CATSPERE: variants seen among roughly 807,000 people sequenced by gnomAD.
CATSPERE encodes the protein cation channel sperm-associated auxiliary subunit epsilon.
CATSPERE carries 93 observed loss-of-function variants against 114.1 expected under a neutral mutation model. The ratio of observed to expected loss-of-function variants is 0.81; its 90% confidence interval spans 0.69 to 0.97. The LOEUF (loss-of-function observed/expected upper bound fraction) is 0.97, where lower values mean the gene tolerates loss of function less well. CATSPERE is among the 50% of genes least tolerant of loss of function. CATSPERE has a pLI of 0.00. For missense variants in CATSPERE, 1,058 were observed against 1,131.6 expected (o/e 0.93, Z 0.93); for synonymous variants, 341 against 384.1 (o/e 0.89, Z 1.31).
intron 12 of CATSPERE, among the ~76,000 whole-genome samples, chr1:244,582,942 T>G (rs1432314838): frequency 2.5e-3 from 7 of 2,834 alleles, no homozygotes; most frequent in South Asian, 0.023. Context: ...TATATATATA[T>G]ATATATATAT....
intron 19 of CATSPERE, among the ~76,000 whole-genome samples, chr1:244,610,773 GAC>G (rs1285571151): frequency 1.5e-5 from 2 of 129,682 alleles, no homozygotes; most frequent in African/African-American, 3.8e-5. Flanking sequence ...TTTTTTTTGA[GAC>G]AGAGTCTCTC....
chr1:244,457,577 A>G (rs1666270648), upstream of CATSPERE: 1 of 152,172 alleles, frequency 6.6e-6, no homozygotes, highest in Non-Finnish European at 1.5e-5. Flanking sequence ...AAGGTAAGTC[A>G]TCTGTATCAC....
rs749344900 is a variant in CATSPERE, at chr1:244,461,477, T to C, written c.48T>C (p.Tyr16=). ...TGCTGCTGCTGTGGCTGAGCTGCTA[T>C]GGCTCCGCCCTTTGGAGGTAGAGAG... ...VAVLLLWLSC[Y]GSALWRYSTN... The change falls in exon 1 of 22, where the codon TAT becomes TAC. Residue 16 remains tyrosine (Y), a synonymous_variant. Coordinates refer to ENST00000366534, the MANE Select transcript of CATSPERE (RefSeq NM_001130957.2). 3.0e-6 allele frequency: 4 copies of C among 1,342,118 alleles called. No homozygotes were observed. The highest frequency in any genetic ancestry group is 1.5e-5 in the African/African-American group (1 of 66,458). The allele number at this position is 1,342,118 out of a possible 1,614,324, so 83.1% of individuals were successfully genotyped here. A position where few individuals can be genotyped will look rare whatever the true frequency, so the allele number is the denominator to read the frequency against.
At chr1:244,618,491 GA>G (rs1197112883) in intron 20 of CATSPERE, among the ~76,000 whole-genome samples, 3 of 152,142 alleles carry the variant, frequency 2.0e-5, no homozygotes, top group Non-Finnish European at 2.9e-5. Flanking sequence ...TGGTGCAGAA[GA>G]AAAATAGACC....
intron 14 of CATSPERE, among the ~76,000 whole-genome samples, chr1:244,590,909 A>G (rs12059818): frequency 0.64 from 96,534 of 152,022 alleles, 32,278 homozygotes; most frequent in Middle Eastern, 0.81. Flanking sequence ...TTTGTGTACA[A>G]GTGTTTGTTT....
intron 19 of CATSPERE, 26 bp downstream of exon 19, chr1:244,610,352 T>C: frequency 6.6e-7 from 1 of 1,522,438 alleles, no homozygotes; most frequent in Non-Finnish European, 9.1e-7. Flanking sequence ...CCTTCCAGAT[T>C]GTTTATTTGG....
At chr1:244,580,540 C>T (rs61842366) in intron 11 of CATSPERE, among the ~76,000 whole-genome samples, 2,135 of 152,088 alleles carry the variant, frequency 0.014, 24 homozygotes, top group Middle Eastern at 0.024. Flanking sequence ...GTAAATAAAA[C>T]ATTTATGCAT....
chr1:244,614,190 C>G (rs1446433922), intron 19 of CATSPERE, among the ~76,000 whole-genome samples: 1 of 152,198 alleles, frequency 6.6e-6, no homozygotes, highest in Non-Finnish European at 1.5e-5. Flanking sequence ...AACTAACACA[C>G]AGTGAAAGCC....
chr1:244,488,065 CTG>C (rs1206220142), intron 5 of CATSPERE, among the ~76,000 whole-genome samples: 1 of 152,116 alleles, frequency 6.6e-6, no homozygotes, highest in Non-Finnish European at 1.5e-5. Context: ...TCTTCTTTCT[CTG>C]TCTCTCAAGA....
At chr1:244,561,418 T>C (rs1296948774) in intron 10 of CATSPERE, among the ~76,000 whole-genome samples, 1 of 152,136 alleles carries the variant, frequency 6.6e-6, no homozygotes, top group Non-Finnish European at 1.5e-5. Context: ...TATATATACA[T>C]CGTAGGGTGT....
chr1:244,490,104 G>A (rs114572095), intron 5 of CATSPERE, among the ~76,000 whole-genome samples: 2 of 152,112 alleles, frequency 1.3e-5, no homozygotes, highest in Admixed American at 1.3e-4. Context: ...GACAAATGAT[G>A]CTTTTTGTTA....
intron 7 of CATSPERE, among the ~76,000 whole-genome samples, chr1:244,512,108 C>T (rs941671769): frequency 3.3e-5 from 5 of 152,148 alleles, no homozygotes; most frequent in Admixed American, 1.3e-4. Flanking sequence ...AAGTTTTCAG[C>T]GATTATTTTG....
At chr1:244,510,524 T>C (rs1312290573) in intron 7 of CATSPERE, among the ~76,000 whole-genome samples, 1 of 152,258 alleles carries the variant, frequency 6.6e-6, no homozygotes, top group African/African-American at 2.4e-5. Flanking sequence ...TTTTGTGTCC[T>C]AATATATGGC....
Position 244,490,475 on chromosome 1 carries a change from A to G in CATSPERE, c.351+4A>G. ...TTTCTTTAACAACTTTACCCAGGTA[A>G]AATATTTTTTAAATTTTGTATAGCC... On this transcript the variant is annotated splice_donor_region_variant and intron_variant, in intron 6 of 21. Coordinates refer to ENST00000366534, the MANE Select transcript of CATSPERE (RefSeq NM_001130957.2). The G allele has an allele frequency of 2.0e-6, 3 of 1,510,856 alleles. No homozygotes were observed. Among genetic ancestry groups the G allele is most frequent in the Non-Finnish European group, 2.7e-6 (3 of 1,091,380 alleles). The allele number at this position is 1,510,856 out of a possible 1,614,324, so 93.6% of individuals were successfully genotyped here. A position where few individuals can be genotyped will look rare whatever the true frequency, so the allele number is the denominator to read the frequency against.
At chr1:244,475,684 G>T (rs955291871) in intron 2 of CATSPERE, among the ~76,000 whole-genome samples, 2 of 151,438 alleles carry the variant, frequency 1.3e-5, no homozygotes, top group Non-Finnish European at 2.9e-5. Context: ...TTACAGGTGC[G>T]CACCACCACG....
In CATSPERE at chr1:244,573,327, T is replaced by C. The variant is rs983661601; in HGVS notation, c.1950+555T>C. 6.6e-6 allele frequency among the ~76,000 whole-genome samples: 1 copy of C among 151,688 alleles called. No homozygotes were observed. Among genetic ancestry groups the C allele is most frequent in the African/African-American group, 2.4e-5 (1 of 41,270 alleles). ...TCGGGAGGCTGAGGCAGGAGAATGG[T>C]GTGAACCCAGGAGGTGGAGGTTGCA... On this transcript the variant is annotated intron_variant, in intron 11 of 21. Transcript: ENST00000366534. This position sits in a 1 kb window ranked among gnomAD's most constrained non-coding sequence, Gnocchi z 4.0.
chr1:244,476,865 A>C (rs1196463306), intron 2 of CATSPERE, among the ~76,000 whole-genome samples: 1 of 152,242 alleles, frequency 6.6e-6, no homozygotes, highest in Non-Finnish European at 1.5e-5. Flanking sequence ...GTAACGTGTA[A>C]ATAATAGGAT....
At chr1:244,480,911 A>G (rs2148166813) in intron 5 of CATSPERE, among the ~76,000 whole-genome samples, 1 of 152,324 alleles carries the variant, frequency 6.6e-6, no homozygotes, top group East Asian at 1.9e-4. Context: ...CAGAAATCCC[A>G]GTCCCCAGCT....
At chr1:244,571,391 G>A (rs573536600) in intron 10 of CATSPERE, among the ~76,000 whole-genome samples, 1 of 152,310 alleles carries the variant, frequency 6.6e-6, no homozygotes, top group South Asian at 2.1e-4. Context: ...GCTGTACACA[G>A]AGAATGTCAT....
Sources: gnomAD v4.1 joint callset for allele counts (sites outside exome capture counted in the v4.1 genomes callset) on GRCh38, gnomAD v4.1.1 for gene constraint, Gnocchi (gnomAD v3.1) non-coding constraint, MANE v1.5 for transcripts, NCBI Gene and HGNC (gene_info 2026-07-23, HGNC 2026-07-21) for gene names.